Variants in CES4A observed in about 807,000 individuals in gnomAD.
The protein encoded by CES4A is carboxylesterase 4A.
In CES4A, 48 loss-of-function variants were observed where a neutral mutation model predicts 65.4. The ratio of observed to expected loss-of-function variants is 0.73; its 90% CI spans 0.58 to 0.93. The LOEUF (loss-of-function observed/expected upper bound fraction) is 0.93, where lower values mean the gene tolerates loss of function less well. CES4A is among the 40% of genes least tolerant of loss of function. CES4A has a pLI of 0.00. For synonymous variants in CES4A, 247 were observed against 281.8 expected (o/e 0.88, Z 1.24); for missense variants, 685 against 728.5 (o/e 0.94, Z 0.69).
rs1965200125 is a variant in CES4A at position 67,000,496 on chromosome 16, T to TACACGC, written c.261-133_261-128dup. The stretch of plus-strand genomic sequence containing the variant: ...CCCCGGGGCTGGCGGAGGCCTCCTG[T>TACACGC]ACACGCACACGCACGCACATGCGCA... On this transcript the variant is annotated intron_variant, in intron 2 of 13. Transcript: ENST00000648724. The surrounding 1 kb of genome is among the most constrained non-coding windows in gnomAD (Gnocchi z 4.2). 9.0e-6 allele frequency: 13 copies of TACACGC among 1,439,176 alleles called. No homozygotes were observed. Among genetic ancestry groups the TACACGC allele is most frequent in the Non-Finnish European group, 1.0e-5 (11 of 1,097,458 alleles). 89.2% of individuals were successfully genotyped at this position (1,439,176 alleles called of 1,614,324 possible).
chr16:66,991,734 A>G (rs1964405784), intron 1 of CES4A, among the ~76,000 whole-genome samples: 1 of 152,194 alleles, frequency 6.6e-6, no homozygotes, highest in Non-Finnish European at 1.5e-5. Flanking sequence ...TGGCCAACTT[A>G]TATAACCCCT....
Position 67,000,038 on chromosome 16 carries a change from C to G in CES4A, c.261-600C>G, listed in dbSNP as rs559555496. On this transcript the variant is annotated intron_variant, in intron 2 of 13. Coordinates refer to ENST00000648724, the Ensembl canonical transcript of CES4A. The surrounding 1 kb of genome is among the most constrained non-coding windows in gnomAD (Gnocchi z 4.2). ...GATGGAAAGGAGGGCCTGGGTACTC[C>G]GCGTATCTTAACTTTATCCTGAGGG... Among the ~76,000 whole-genome samples, 1 of 152,204 alleles carries G rather than the reference C, an allele frequency of 6.6e-6. No individual in the cohort carries two copies. The highest frequency in any genetic ancestry group is 1.5e-5 in the Non-Finnish European group (1 of 68,014).
downstream of CES4A, among the ~76,000 whole-genome samples, chr16:67,009,958 T>C (rs1457251456): frequency 1.3e-5 from 2 of 152,094 alleles, no homozygotes; most frequent in Non-Finnish European, 2.9e-5. Context: ...CCACGCTCAC[T>C]TGTCCATCAG....
intron 12 of CES4A, 43 bp from the exon 13 acceptor site, chr16:67,006,702 T>C (rs1165933206): frequency 6.3e-7 from 1 of 1,587,910 alleles, no homozygotes; most frequent in Non-Finnish European, 8.6e-7. Context: ...GAGGTCAGTG[T>C]CCCCTGCTCT....
chr16:67,004,552 T>A (rs1252937903), intron 9 of CES4A, among the ~76,000 whole-genome samples: 1 of 152,054 alleles, frequency 6.6e-6, no homozygotes, highest in African/African-American at 2.4e-5. Context: ...TGGGTCAGGG[T>A]AGATGCCCCA....
chr16:66,996,579 C>G (rs1964873906), intron 2 of CES4A, among the ~76,000 whole-genome samples: 1 of 152,174 alleles, frequency 6.6e-6, no homozygotes, highest in Non-Finnish European at 1.5e-5. Flanking sequence ...TTACCCAGAA[C>G]AAGTGTATTT....
chr16:67,005,343 A>G (rs1341603219), exon 11 of CES4A: 1 of 1,614,178 alleles, frequency 6.2e-7, no homozygotes, highest in Admixed American at 1.7e-5. Context: ...GACATAGTTC[A>G]AGATGCCACT....
chr16:67,001,154 G>C lies in CES4A; in HGVS notation c.537-154G>C, dbSNP rs2145629835. 3 of 1,361,508 alleles carry C rather than the reference G, an allele frequency of 2.2e-6. No individual in the cohort carries two copies. In the South Asian group the frequency reaches 4.3e-5, roughly 19 times the overall value. 84.3% of individuals were successfully genotyped at this position (1,361,508 alleles called of 1,614,324 possible). On this transcript the variant is annotated intron_variant, in intron 4 of 13. Transcript: ENST00000648724. The surrounding 1 kb of genome is among the most constrained non-coding windows in gnomAD (Gnocchi z 4.1). Reference sequence around the variant, plus strand: ...AGGGGCGGGCGCTCCATACCATCTGGATGGGGCGAGCTAACTCCAAGGAAG... The same window carrying C: ...AGGGGCGGGCGCTCCATACCATCTGCATGGGGCGAGCTAACTCCAAGGAAG...
chr16:67,003,498 C>G lies in CES4A; in HGVS notation c.901-17C>G. ...GGGAGACTTCCTTTAACTCTGATCC[C>G]TTCCTCTCCCCCATAGAGATTCCTC... is the stretch of plus-strand genomic sequence containing the variant. On this transcript the variant is annotated splice_polypyrimidine_tract_variant and intron_variant, in intron 7 of 13. Transcript: ENST00000648724. This position sits in a 1 kb window ranked among gnomAD's most constrained non-coding sequence, Gnocchi z 4.2. 6.2e-7 allele frequency: 1 copy of G among 1,612,688 alleles called. No individual in the cohort carries two copies. Among genetic ancestry groups the G allele is most frequent in the Non-Finnish European group, 8.5e-7 (1 of 1,178,702 alleles).
chr16:67,004,803 T>G, exon 10 of CES4A: 1 of 1,536,058 alleles, frequency 6.5e-7, no homozygotes, highest in Admixed American at 2.0e-5. Flanking sequence ...ATCATGAAGT[T>G]CCCGCTAAAC....
In CES4A at chr16:67,001,554, C is replaced by G. The variant is rs749791563; in HGVS notation, c.690+93C>G. On this transcript the variant is annotated intron_variant, in intron 5 of 13. Coordinates refer to ENST00000648724, the Ensembl canonical transcript of CES4A. This position sits in a 1 kb window ranked among gnomAD's most constrained non-coding sequence, Gnocchi z 4.1. ...ACTGCACAGGCCATGTGCAGATTTG[C>G]GTGTACAGGAACGTGCCTGCCACAG... 4.6e-5 allele frequency: 65 copies of G among 1,417,662 alleles called. 1 individual carries two copies. The highest frequency in any genetic ancestry group is 2.6e-4 in the East Asian group (11 of 42,074). 87.8% of individuals were successfully genotyped at this position (1,417,662 alleles called of 1,614,324 possible).
chr16:67,004,027 C>A, intron 8 of CES4A, 57 bp from the exon 9 acceptor site: 1 of 1,596,804 alleles, frequency 6.3e-7, no homozygotes, highest in Admixed American at 1.7e-5. Flanking sequence ...CCCAAGGTTG[C>A]AGGGACCCTG....
chr16:67,007,229 G>GT, intron 13 of CES4A: 1 of 168,090 alleles, frequency 5.9e-6, no homozygotes, highest in Non-Finnish European at 1.3e-5. Flanking sequence ...CATAGAGGAG[G>GT]TGTCTGGCCC....
Position 67,000,591 on chromosome 16 carries a change from A to G in CES4A, c.261-47A>G. 1 of 1,521,398 alleles carries G rather than the reference A, an allele frequency of 6.6e-7. No individual in the cohort carries two copies. The highest frequency in any genetic ancestry group is 8.9e-7 in the Non-Finnish European group (1 of 1,129,662). The allele number at this position is 1,521,398 out of a possible 1,614,324, so 94.2% of individuals were successfully genotyped here. On this transcript the variant is annotated intron_variant, in intron 2 of 13. Transcript: ENST00000648724. This position sits in a 1 kb window ranked among gnomAD's most constrained non-coding sequence, Gnocchi z 4.2. ...TCCGTCTTCTCACTGCGGACCCTGG[A>G]TTGAAACGATCTCCCCGCGGCCGCC...
In CES4A at chr16:67,003,270, G is replaced by A. The variant is rs754383481; in HGVS notation, c.810G>A (p.Leu270=). The change falls in exon 7 of 14, where the codon CTG becomes CTA. Residue 270 remains leucine, a synonymous_variant. Coordinates refer to ENST00000648724, the Ensembl canonical transcript of CES4A. This position sits in a 1 kb window ranked among gnomAD's most constrained non-coding sequence, Gnocchi z 4.2. ...TCTCTCTATAGAAGGTTGCCCACCT[G>A]GCTGGATGCAACCACAACAGCACAC... 6.8e-6 allele frequency: 11 copies of A among 1,614,036 alleles called. No homozygotes were observed. In the African/African-American group the frequency reaches 1.3e-4, roughly 20 times the overall value.
chr16:66,989,292 T>C (rs1048937473), intron 1 of CES4A, among the ~76,000 whole-genome samples: 1 of 152,072 alleles, frequency 6.6e-6, no homozygotes, highest in Non-Finnish European at 1.5e-5. Context: ...TTTACTGAGG[T>C]ATAAGATGTA....
downstream of CES4A, chr16:67,009,794 C>T (rs898794852): frequency 2.0e-5 from 3 of 152,358 alleles, no homozygotes; most frequent in East Asian, 5.8e-4. Flanking sequence ...CAATTTGAGC[C>T]CTGAGAGAAA....
Position 67,001,500 on chromosome 16 carries a change from G to C in CES4A, c.690+39G>C, listed in dbSNP as rs553311169. The stretch of plus-strand genomic sequence containing the variant: ...CCAGACGGACCGAGCACAGACTTAG[G>C]CTCCTGCGTTCCCACAAATGTATGC... On this transcript the variant is annotated intron_variant, in intron 5 of 13. Coordinates refer to ENST00000648724, the Ensembl canonical transcript of CES4A. This position sits in a 1 kb window ranked among gnomAD's most constrained non-coding sequence, Gnocchi z 4.1. The C allele has an allele frequency of 1.3e-6, 2 of 1,549,796 alleles. No homozygotes were observed. Among genetic ancestry groups the C allele is most frequent in the South Asian group, 1.2e-5 (1 of 80,854 alleles).
intron 11 of CES4A, 96 bp downstream of exon 11, chr16:67,005,489 C>T (rs1018286808): frequency 1.7e-6 from 2 of 1,175,426 alleles, no homozygotes; most frequent in African/African-American, 1.5e-5. Flanking sequence ...CCTACCCTCT[C>T]TGTACTTCTG....
Sources: allele counts gnomAD v4.1 joint callset (sites outside exome capture counted in the v4.1 genomes callset), GRCh38; gene constraint gnomAD v4.1.1; non-coding constraint Gnocchi (gnomAD v3.1); transcripts MANE v1.5; gene names NCBI Gene and HGNC (gene_info 2026-07-23, HGNC 2026-07-21).